The following PCYT1B variants were observed in gnomAD, a reference collection of about 807,000 sequenced individuals.
PCYT1B encodes the protein phosphate cytidylyltransferase 1B, choline.
Under a neutral mutation model 26.4 loss-of-function variants are expected in PCYT1B, and 10 were observed. That is an observed-to-expected ratio of 0.38 (90% CI 0.23 to 0.64). The LOEUF (loss-of-function observed/expected upper bound fraction) is 0.64. Ranked by LOEUF, PCYT1B falls within the 30% of genes least tolerant of loss-of-function variation. PCYT1B has a pLI of 0.56. For synonymous variants in PCYT1B, 131 were observed against 108.4 expected, an observed-to-expected ratio of 1.21 and a Z score of -1.29; for missense variants, 161 against 292.7, an observed-to-expected ratio of 0.55 and a Z score of 3.28.
chrX:24,656,233 G>GGA (rs1238975913), intron 1 of PCYT1B, among the ~76,000 whole-genome samples: 2 of 100,566 alleles, frequency 2.0e-5, no homozygotes, highest in Non-Finnish European at 2.0e-5. Flanking sequence ...GGGTCGCGGG[G>GGA]GGGGGTGGTA....
chrX:24,599,924 TG>T (rs1435401073), intron 3 of PCYT1B, among the ~76,000 whole-genome samples: 1 of 111,592 alleles, frequency 9.0e-6, no homozygotes, highest in Non-Finnish European at 1.9e-5. Flanking sequence ...ATTTATTTGT[TG>T]GAGATGGAGT....
intron 5 of PCYT1B, 88 bp downstream of exon 5, chrX:24,587,153 C>T (rs1356150476): frequency 3.1e-6 from 2 of 637,761 alleles, no homozygotes; most frequent in East Asian, 3.4e-5. Flanking sequence ...TTTGTATACA[C>T]TGCAGATGTC....
intron 1 of PCYT1B, among the ~76,000 whole-genome samples, chrX:24,619,417 AT>A (rs1925629297): frequency 8.9e-6 from 1 of 111,847 alleles, no homozygotes; most frequent in African/African-American, 3.3e-5. Flanking sequence ...AGAGCATAGG[AT>A]AATACTATCC....
At chrX:24,654,594 T>C (rs1306043284) in intron 1 of PCYT1B, among the ~76,000 whole-genome samples, 1 of 103,807 alleles carries the variant, frequency 9.6e-6, no homozygotes, top group Non-Finnish European at 2.0e-5. Flanking sequence ...CTACTAAAAA[T>C]ACAAAAACAT....
intron 7 of PCYT1B, among the ~76,000 whole-genome samples, chrX:24,563,402 C>T (rs912994593): frequency 1.4e-4 from 16 of 111,519 alleles, no homozygotes; most frequent in African/African-American, 4.6e-4. Flanking sequence ...GGGCAGCGCA[C>T]TCCAGACAGA....
In PCYT1B at chrX:24,643,809, C is replaced by G. The variant is rs1926537704; in HGVS notation, c.117+3180G>C. 2.7e-5 allele frequency among the ~76,000 whole-genome samples: 3 copies of G among 112,227 alleles called. No individual in the cohort carries two copies. The Admixed American group carries it at 2.8e-4, about 11-fold the overall frequency. ...CCAGCTCCCCACTTCATTTCAGCAA[C>G]TAGGAGAAGGAGCCTGCCCTCTGAA... On this transcript the variant is annotated intron_variant, in intron 1 of 7. Coordinates refer to ENST00000379144, the MANE Select transcript of PCYT1B (RefSeq NM_004845.5).
chrX:24,579,223 T>A, intron 6 of PCYT1B, 93 bp downstream of exon 6: 3 of 795,934 alleles, frequency 3.8e-6, no homozygotes, highest in Admixed American at 2.7e-5. Flanking sequence ...GGGAGAACAC[T>A]GCATAGCACT....
intron 7 of PCYT1B, among the ~76,000 whole-genome samples, chrX:24,568,488 G>A (rs141996815): frequency 9.0e-6 from 1 of 111,435 alleles, no homozygotes; most frequent in African/African-American, 3.3e-5. Context: ...GGAGTTCAAG[G>A]TTGCAGTGAC....
At chrX:24,587,975 C>T (rs1269771719) in intron 4 of PCYT1B, among the ~76,000 whole-genome samples, 2 of 112,837 alleles carry the variant, frequency 1.8e-5, no homozygotes, top group Non-Finnish European at 3.7e-5. Context: ...TCTTTTACCA[C>T]TTGCTGTCAC....
upstream of PCYT1B, chrX:24,672,734 G>GT: frequency 1.6e-6 from 1 of 625,467 alleles, no homozygotes; most frequent in Non-Finnish European, 2.6e-6. Context: ...CAAAGGTCAA[G>GT]CAGGCTCTCT....
chrX:24,650,888 C>T (rs149097688), upstream of PCYT1B, among the ~76,000 whole-genome samples: 1,955 of 111,504 alleles, frequency 0.018, 44 homozygotes, highest in African/African-American at 0.061. Context: ...AGGAATAGTT[C>T]AAATAAAAAT....
rs771582066 is a variant in PCYT1B, at chrX:24,578,627, C to T, written c.708+689G>A. Among the ~76,000 whole-genome samples the T allele has an allele frequency of 1.0e-3, 113 of 112,160 alleles. 1 individual carries two copies. Among genetic ancestry groups the T allele is most frequent in the Middle Eastern group, 9.2e-3 (2 of 217 alleles). Reference sequence around the variant, plus strand: ...CAATGAAAAATGGCCATTAAGGTTTCTAATGAGCATCTGTAAGGCCTTAAT... The same window carrying T: ...CAATGAAAAATGGCCATTAAGGTTTTTAATGAGCATCTGTAAGGCCTTAAT... On this transcript the variant is annotated intron_variant, in intron 6 of 7. Transcript: ENST00000379144.
chrX:24,563,760 G>A (rs1175637540), intron 7 of PCYT1B, among the ~76,000 whole-genome samples: 4 of 111,561 alleles, frequency 3.6e-5, no homozygotes, highest in Non-Finnish European at 7.5e-5. Flanking sequence ...AGAAACCTCT[G>A]GAGAATTCTG....
chrX:24,617,517 G>A (rs1304444611), intron 2 of PCYT1B, among the ~76,000 whole-genome samples: 2 of 100,755 alleles, frequency 2.0e-5, no homozygotes, highest in South Asian at 4.8e-4. Context: ...GTGTGATCTC[G>A]GCTCACTGCA....
chrX:24,575,311 C>T lies in PCYT1B; in HGVS notation c.716G>A (p.Arg239Lys). 8.6e-7 allele frequency: 1 copy of T among 1,162,240 alleles called. No individual in the cohort carries two copies. Among genetic ancestry groups the T allele is most frequent in the Non-Finnish European group, 1.1e-6 (1 of 872,000 alleles). The part of the protein sequence containing the change: ...ELNVSFINEK[R>K]YRFQNQVDKM... ...GTCCACTTGGTTCTGGAAACGGTAC[C>T]TCTTCTCCTGGTGAAAGTTTACAGG... The change falls in exon 7 of 8, where the codon AGG (arginine) becomes AAG (lysine). Residue 239 changes from arginine (R) to lysine (K), a missense_variant. Transcript: ENST00000379144.
chrX:24,662,049 G>T (rs1262704738), intron 1 of PCYT1B, among the ~76,000 whole-genome samples: 1 of 110,895 alleles, frequency 9.0e-6, no homozygotes, highest in South Asian at 3.8e-4. Context: ...TGCGCCTGTG[G>T]TCCCAGCTAC....
intron 1 of PCYT1B, among the ~76,000 whole-genome samples, chrX:24,666,032 T>G (rs186070204): frequency 2.0e-3 from 216 of 110,672 alleles, no homozygotes; most frequent in Non-Finnish European, 3.0e-3. Flanking sequence ...TTGTAAACAG[T>G]GATCACAACA....
Position 24,585,275 on chromosome X carries a change from C to A in PCYT1B, c.565+1966G>T, listed in dbSNP as rs980794108. On this transcript the variant is annotated intron_variant, in intron 5 of 7. Coordinates refer to ENST00000379144, the MANE Select transcript of PCYT1B (RefSeq NM_004845.5). ...GGGCCACTGGCACCTTGTTTATGGC[C>A]AGGAATTTTGGAAAGAAATAGTTTT... Among the ~76,000 whole-genome samples, 55 of 111,547 alleles carry A rather than the reference C, an allele frequency of 4.9e-4. 1 individual carries two copies. The highest frequency in any genetic ancestry group is 1.7e-3 in the African/African-American group (53 of 30,695).
At chrX:24,571,313 G>A (rs1054382560) in intron 7 of PCYT1B, among the ~76,000 whole-genome samples, 1 of 111,376 alleles carries the variant, frequency 9.0e-6, no homozygotes, top group Non-Finnish European at 1.9e-5. Context: ...GCAGTGAACC[G>A]AGATCGCGCC....
Sources: gnomAD v4.1 joint callset for allele counts (sites outside exome capture counted in the v4.1 genomes callset) on GRCh38, gnomAD v4.1.1 for gene constraint, MANE v1.5 for transcripts, NCBI Gene and HGNC (gene_info 2026-07-23, HGNC 2026-07-21) for gene names.